The following C11orf65 variants were observed in gnomAD, a reference collection of about 807,000 sequenced individuals.
C11orf65 encodes chromosome 11 open reading frame 65.
C11orf65 carries 38 observed loss-of-function variants against 35.3 expected under a neutral mutation model. The ratio of observed to expected loss-of-function variants is 1.08; its 90% CI spans 0.83 to 1.41. The LOEUF (loss-of-function observed/expected upper bound fraction) is 1.41. C11orf65 is among the 40% of genes most tolerant of loss of function. C11orf65 has a pLI of 0.00. For missense variants in C11orf65, 370 were observed against 367.1 expected (o/e 1.01, Z -0.06); for synonymous variants, 105 against 114.4 (o/e 0.92, Z 0.53).
intron 6 of C11orf65, chr11:108,321,209 ATGAT>A: frequency 6.5e-7 from 1 of 1,528,710 alleles, no homozygotes; most frequent in African/African-American, 1.4e-5. Context: ...AGCAAAGCCT[ATGAT>A]GAGAACTCTT....
chr11:108,395,127 A>T (rs186594), intron 6 of C11orf65, among the ~76,000 whole-genome samples: 80,747 of 150,342 alleles, frequency 0.54, 22,183 homozygotes, highest in Middle Eastern at 0.74. Context: ...TGAGACCTTA[A>T]CTCTTAAAAA....
chr11:108,413,354 C>T (rs377458822), intron 3 of C11orf65, among the ~76,000 whole-genome samples: 14 of 152,172 alleles, frequency 9.2e-5, no homozygotes, highest in African/African-American at 3.4e-4. Flanking sequence ...CCAGCTCATC[C>T]TTCCAACTCT....
intron 7 of C11orf65, among the ~76,000 whole-genome samples, chr11:108,392,345 T>G (rs907109817): frequency 6.6e-6 from 1 of 152,216 alleles, no homozygotes; most frequent in Non-Finnish European, 1.5e-5. Context: ...CCCAGCCCAC[T>G]AATTTTTATT....
chr11:108,399,749 G>A (rs1041560535), intron 6 of C11orf65, among the ~76,000 whole-genome samples: 12 of 152,104 alleles, frequency 7.9e-5, no homozygotes, highest in Non-Finnish European at 1.2e-4. Flanking sequence ...ACAGTGCTAC[G>A]TACTCTCAAT....
chr11:108,380,033 C>T (rs1264527464), downstream of C11orf65, among the ~76,000 whole-genome samples: 1 of 152,110 alleles, frequency 6.6e-6, no homozygotes, highest in Admixed American at 6.6e-5. Context: ...ACAGCAAGAG[C>T]CCTCATCTCC....
At chr11:108,435,326 G>GA (rs368969757) in intron 2 of C11orf65, among the ~76,000 whole-genome samples, 25 of 146,696 alleles carry the variant, frequency 1.7e-4, no homozygotes, top group South Asian at 6.5e-4. Flanking sequence ...AAACCAACAT[G>GA]AAAAAAAAAA....
chr11:108,354,058 TACACACACACAAACACACACACACACAC>T (rs1234157754), intron 2 of C11orf65, among the ~76,000 whole-genome samples: 1 of 67,008 alleles, frequency 1.5e-5, no homozygotes, highest in Non-Finnish European at 3.1e-5. Flanking sequence ...TCTAAAAAAA[TACACACACACAAACACACACACACACAC>T]ACACACACAC....
intron 2 of C11orf65, among the ~76,000 whole-genome samples, chr11:108,439,393 A>G (rs542493147): frequency 3.9e-5 from 6 of 152,244 alleles, no homozygotes; most frequent in Non-Finnish European, 7.3e-5. Flanking sequence ...GGAATGTAAA[A>G]TGGTACAGCC....
chr11:108,345,403 A>G (rs971990848), intron 2 of C11orf65, among the ~76,000 whole-genome samples: 3 of 152,188 alleles, frequency 2.0e-5, no homozygotes, highest in South Asian at 2.1e-4. Flanking sequence ...TTCTATTGCA[A>G]CCCAATGCTG....
intron 2 of C11orf65, among the ~76,000 whole-genome samples, chr11:108,457,059 T>C (rs1190241608): frequency 1.3e-5 from 2 of 152,128 alleles, no homozygotes; most frequent in East Asian, 3.9e-4. Context: ...AGGGATACTT[T>C]GTTCTCATCA....
upstream of C11orf65, among the ~76,000 whole-genome samples, chr11:108,469,213 TA>T (rs35050634): frequency 0.053 from 7,052 of 132,192 alleles, 523 homozygotes; most frequent in African/African-American, 0.17. Flanking sequence ...AGATTCCCTC[TA>T]AAAAAAAAAA....
At position 108,453,514 on chromosome 11, in the gene C11orf65, A is replaced by T. The variant is rs535950610; in HGVS notation, c.81+7965T>A. Among the ~76,000 whole-genome samples the T allele has an allele frequency of 1.1e-4, 16 of 152,348 alleles. No homozygotes were observed. In the South Asian group the frequency reaches 3.3e-3, roughly 32 times the overall value. ...ATTTTGTTTACAAGAGACACAATTT[A>T]AATATAAGGGCACAAAAAGATGAAA... On this transcript the variant is annotated intron_variant, in intron 2 of 8. Coordinates refer to ENST00000393084, the MANE Select transcript of C11orf65 (RefSeq NM_152587.5).
At chr11:108,385,876 T>C (rs752378264) in intron 8 of C11orf65, 44 bp downstream of exon 8, 2 of 1,505,008 alleles carry the variant, frequency 1.3e-6, no homozygotes, top group East Asian at 4.5e-5. Flanking sequence ...ATGTATTTTT[T>C]GTTCATGAGA....
chr11:108,462,129 G>A (rs950741592), intron 1 of C11orf65, among the ~76,000 whole-genome samples: 2 of 152,090 alleles, frequency 1.3e-5, no homozygotes, highest in Admixed American at 1.3e-4. Flanking sequence ...CTGCAGCCTT[G>A]AACTCTTAGG....
intron 5 of C11orf65, among the ~76,000 whole-genome samples, chr11:108,406,301 A>G (rs2092538839): frequency 6.6e-6 from 1 of 152,132 alleles, no homozygotes; most frequent in African/African-American, 2.4e-5. Context: ...TACTTGGTAT[A>G]TTCTTTTGTG....
At position 108,372,920 on chromosome 11, in the gene C11orf65, A is replaced by T. The variant is rs934424728; in HGVS notation, c.226+20288T>A. On this transcript the variant is annotated intron_variant, in intron 2 of 3. Transcript: ENST00000524755. ...GAAACCCCATCTCTACCAAAGATTTAAAAAAAAAAATTAGCTGGGTGTAGT... is the reference window on the plus strand; with the variant it reads ...GAAACCCCATCTCTACCAAAGATTTTAAAAAAAAAATTAGCTGGGTGTAGT... Among the ~76,000 whole-genome samples the T allele has an allele frequency of 5.4e-4, 81 of 149,112 alleles. 1 individual carries two copies. Among genetic ancestry groups the T allele is most frequent in the Non-Finnish European group, 9.0e-4 (60 of 66,958 alleles).
At chr11:108,442,660 G>C (rs900608966) in intron 2 of C11orf65, among the ~76,000 whole-genome samples, 10 of 152,110 alleles carry the variant, frequency 6.6e-5, no homozygotes, top group African/African-American at 2.2e-4. Flanking sequence ...AAGACAGTGG[G>C]GGCCAATATT....
At chr11:108,440,281 G>C (rs1451453780) in intron 2 of C11orf65, among the ~76,000 whole-genome samples, 1 of 152,170 alleles carries the variant, frequency 6.6e-6, no homozygotes, top group Non-Finnish European at 1.5e-5. Flanking sequence ...TCAAAACTTA[G>C]TAGTGTAAAA....
At position 108,335,871 on chromosome 11, in the gene C11orf65, T is replaced by C. The variant is rs367575159; in HGVS notation, c.227-579A>G. The C allele has an allele frequency of 1.7e-5, 27 of 1,613,882 alleles. No homozygotes were observed. Among genetic ancestry groups the C allele is most frequent in the Non-Finnish European group, 2.3e-5 (27 of 1,179,956 alleles). On this transcript the variant is annotated intron_variant, in intron 2 of 3. Transcript: ENST00000524755. ...GCCGTGATGACCTGAGACAAGATGC[T>C]GTCATGCAACAGGTCTTCCAGATGT...
Sources: allele counts gnomAD v4.1 joint callset (sites outside exome capture counted in the v4.1 genomes callset), GRCh38; gene constraint gnomAD v4.1.1; transcripts MANE v1.5; gene names NCBI Gene and HGNC (gene_info 2026-07-23, HGNC 2026-07-21).